The following STXBP6 variants were observed in gnomAD, a reference collection of about 807,000 sequenced individuals.
The protein encoded by STXBP6 is syntaxin binding protein 6.
In STXBP6, 21 loss-of-function variants were observed where a neutral mutation model predicts 26.9. That is an observed-to-expected ratio of 0.78 (90% CI 0.55 to 1.12). STXBP6 has a LOEUF of 1.12. STXBP6 is among the 50% of genes most tolerant of loss of function. The pLI is 0.00. For missense variants in STXBP6, 232 were observed against 257.9 expected (o/e 0.90, Z 0.69); for synonymous variants, 97 against 92.6 (o/e 1.05, Z -0.27).
intron 4 of STXBP6, among the ~76,000 whole-genome samples, chr14:24,822,672 T>C (rs570348550): frequency 6.6e-6 from 1 of 152,220 alleles, no homozygotes; most frequent in South Asian, 2.1e-4. Context: ...AGTTTGTCCC[T>C]CCACCCCCCT....
chr14:24,827,968 A>G (rs2068338704), intron 4 of STXBP6, among the ~76,000 whole-genome samples: 1 of 152,188 alleles, frequency 6.6e-6, no homozygotes, highest in South Asian at 2.1e-4. Context: ...GTGAATAAAA[A>G]GCTTAACAAA....
chr14:24,880,911 A>C (rs1191510264), intron 2 of STXBP6, among the ~76,000 whole-genome samples: 3 of 152,218 alleles, frequency 2.0e-5, no homozygotes, highest in Non-Finnish European at 4.4e-5. Flanking sequence ...ACATTTCATA[A>C]GGTTCCGACA....
At chr14:24,861,889 C>T (rs563242089) in intron 2 of STXBP6, among the ~76,000 whole-genome samples, 2 of 152,138 alleles carry the variant, frequency 1.3e-5, no homozygotes, top group Admixed American at 1.3e-4. Flanking sequence ...GGGCCCTCCC[C>T]TTCTCCTCCT....
chr14:24,834,899 A>T lies in STXBP6; in HGVS notation c.452-15705T>A, dbSNP rs566716183. Among the ~76,000 whole-genome samples the T allele has an allele frequency of 2.6e-5, 4 of 152,304 alleles. No individual in the cohort carries two copies. The East Asian group carries it at 7.7e-4, about 29-fold the overall frequency. ...TCAAGTTATCTGATTTGAGACTGGG[A>T]ATTTCAAAAAGTGCTTCTCAAGAGT... On this transcript the variant is annotated intron_variant, in intron 4 of 5. Transcript: ENST00000323944.
At chr14:24,923,253 T>G (rs955065942) in intron 2 of STXBP6, among the ~76,000 whole-genome samples, 1 of 152,160 alleles carries the variant, frequency 6.6e-6, no homozygotes, top group Non-Finnish European at 1.5e-5. Flanking sequence ...ATAGGAAATA[T>G]ATCCTCCTGC....
chr14:24,988,196 G>A (rs1204731477), intron 1 of STXBP6, among the ~76,000 whole-genome samples: 1 of 152,212 alleles, frequency 6.6e-6, no homozygotes. Context: ...GAATATTTCT[G>A]TCCCTAGTGC....
At chr14:24,965,113 C>T (rs141941702) in intron 2 of STXBP6, among the ~76,000 whole-genome samples, 6 of 152,108 alleles carry the variant, frequency 3.9e-5, no homozygotes, top group African/African-American at 1.4e-4. Context: ...TCTAGGTAAT[C>T]GAGAGTAGAC....
intron 2 of STXBP6, among the ~76,000 whole-genome samples, chr14:24,887,918 C>A (rs1049320813): frequency 6.6e-6 from 1 of 152,074 alleles, no homozygotes; most frequent in Non-Finnish European, 1.5e-5. Context: ...GGACACACTG[C>A]ATTTCTTTAT....
At chr14:24,869,048 G>T (rs559294709) in intron 2 of STXBP6, among the ~76,000 whole-genome samples, 1 of 152,180 alleles carries the variant, frequency 6.6e-6, no homozygotes. Context: ...GTAAGACTAC[G>T]TCTTTGCATT....
chr14:25,004,718 G>A (rs768713815), intron 1 of STXBP6, among the ~76,000 whole-genome samples: 2 of 152,180 alleles, frequency 1.3e-5, no homozygotes, highest in Non-Finnish European at 2.9e-5. Flanking sequence ...GCACAAGATA[G>A]GGACTAAAAT....
intron 2 of STXBP6, among the ~76,000 whole-genome samples, chr14:24,860,901 A>G: frequency 6.8e-6 from 1 of 146,628 alleles, no homozygotes; most frequent in East Asian, 1.9e-4. Context: ...AAAGGAAACA[A>G]TCAGTATATA....
chr14:24,895,986 T>C (rs970150379), intron 2 of STXBP6, among the ~76,000 whole-genome samples: 1 of 152,224 alleles, frequency 6.6e-6, no homozygotes, highest in African/African-American at 2.4e-5. Flanking sequence ...AAAATCATTA[T>C]TAGACACCAA....
At chr14:25,042,175 A>C (rs1002402063) in intron 1 of STXBP6, among the ~76,000 whole-genome samples, 1 of 152,264 alleles carries the variant, frequency 6.6e-6, no homozygotes, top group Admixed American at 6.5e-5. Flanking sequence ...GAACAAATTT[A>C]ACAAGCCACC....
chr14:25,025,164 G>T (rs1391658869), intron 1 of STXBP6, among the ~76,000 whole-genome samples: 1 of 152,052 alleles, frequency 6.6e-6, no homozygotes, highest in Non-Finnish European at 1.5e-5. Flanking sequence ...TAACTCATGA[G>T]AAGGCTTTTT....
chr14:24,896,037 G>C (rs549256205), intron 2 of STXBP6, among the ~76,000 whole-genome samples: 3 of 152,206 alleles, frequency 2.0e-5, no homozygotes, highest in Admixed American at 2.0e-4. Flanking sequence ...CTGGAGTACG[G>C]GCTACAAGAA....
At chr14:24,867,664 T>C (rs201130333) in intron 2 of STXBP6, among the ~76,000 whole-genome samples, 2 of 151,512 alleles carry the variant, frequency 1.3e-5, no homozygotes, top group Admixed American at 1.3e-4. Flanking sequence ...ACAAAAAAAA[T>C]AAATCGAAAT....
chr14:24,856,907 T>C, intron 3 of STXBP6, 120 bp downstream of exon 3: 3 of 1,261,192 alleles, frequency 2.4e-6, no homozygotes, highest in Non-Finnish European at 3.2e-6. Flanking sequence ...AATCACATAA[T>C]TGAAATAGAG....
intron 2 of STXBP6, among the ~76,000 whole-genome samples, chr14:24,968,927 T>C (rs1354623429): frequency 6.6e-6 from 1 of 152,144 alleles, no homozygotes; most frequent in Non-Finnish European, 1.5e-5. Flanking sequence ...CACAACACTT[T>C]CAAAATACAG....
At chr14:24,826,447 C>A (rs2068285637) in intron 4 of STXBP6, among the ~76,000 whole-genome samples, 1 of 152,160 alleles carries the variant, frequency 6.6e-6, no homozygotes, top group Non-Finnish European at 1.5e-5. Flanking sequence ...CTGTTAAGCT[C>A]TCTACTTAGC....
Sources: gnomAD v4.1 joint callset for allele counts (sites outside exome capture counted in the v4.1 genomes callset) on GRCh38, gnomAD v4.1.1 for gene constraint, MANE v1.5 for transcripts, NCBI Gene and HGNC (gene_info 2026-07-23, HGNC 2026-07-21) for gene names.